Variants in RYR3 observed in about 807,000 individuals in gnomAD.
RYR3 encodes ryanodine receptor 3.
In RYR3, 207 loss-of-function variants were observed where a neutral mutation model predicts 584.3. The observed-to-expected ratio is 0.35, with a 90% CI of 0.32 to 0.40. The LOEUF (loss-of-function observed/expected upper bound fraction) is 0.40. Ranked by LOEUF, RYR3 falls within the 10% of genes least tolerant of loss-of-function variation. The pLI is 1.00. For synonymous variants in RYR3, 2,416 were observed against 2,248.5 expected, an observed-to-expected ratio of 1.07 and a Z score of -2.11; for missense variants, 5,616 against 6,089.2, an observed-to-expected ratio of 0.92 and a Z score of 2.59.
intron 1 of RYR3, among the ~76,000 whole-genome samples, chr15:33,429,673 T>TCCCCTCC (rs1238744578): frequency 6.6e-6 from 1 of 152,246 alleles, no homozygotes; most frequent in Admixed American, 6.5e-5. Flanking sequence ...AACACTATTT[T>TCCCCTCC]GAGAAGACTT....
intron 2 of RYR3, among the ~76,000 whole-genome samples, chr15:33,499,953 C>T (rs541725492): frequency 4.6e-5 from 7 of 152,280 alleles, no homozygotes; most frequent in South Asian, 2.1e-4. Context: ...AGAAGAAAGA[C>T]GTGTTGAATA....
At chr15:33,321,631 T>C (rs1968979456) in intron 1 of RYR3, among the ~76,000 whole-genome samples, 1 of 152,206 alleles carries the variant, frequency 6.6e-6, no homozygotes, top group Non-Finnish European at 1.5e-5. Context: ...AATTGGTTCT[T>C]CATTTCACTC....
chr15:33,644,227 T>C (rs2061979402), intron 27 of RYR3, 84 bp from the exon 28 acceptor site: 8 of 1,053,486 alleles, frequency 7.6e-6, no homozygotes. Context: ...GTCAAAGCCC[T>C]TAAGGAAGCA....
At chr15:33,385,532 T>A (rs1408017235) in intron 1 of RYR3, among the ~76,000 whole-genome samples, 3 of 152,124 alleles carry the variant, frequency 2.0e-5, no homozygotes, top group African/African-American at 7.2e-5. Flanking sequence ...TTGTCCTACG[T>A]TAAAAACAAA....
rs545398638 is a variant in RYR3 at position 33,495,209 on chromosome 15, C to T, written c.172-8422C>T. ...ATGCTTTCTGAGGTACACTCAATAA[C>T]GGGGTATAAAGTCCTTAACTTTCAT... On this transcript the variant is annotated intron_variant, in intron 2 of 103. Coordinates refer to ENST00000634891, the MANE Select transcript of RYR3 (RefSeq NM_001036.6). Among the ~76,000 whole-genome samples the T allele has an allele frequency of 4.6e-5, 7 of 152,212 alleles. No homozygotes were observed. In the South Asian group the frequency reaches 6.2e-4, roughly 14 times the overall value.
At chr15:33,837,522 G>C (rs117920466) in intron 88 of RYR3, 109 bp from the exon 89 acceptor site, 43,545 of 1,191,428 alleles carry the variant, frequency 0.037, 1,085 homozygotes, top group Non-Finnish European at 0.039. Flanking sequence ...GGTCAGAGAA[G>C]AGCTGACTAA....
intron 1 of RYR3, among the ~76,000 whole-genome samples, chr15:33,469,119 A>T (rs556593467): frequency 5.9e-5 from 9 of 152,296 alleles, no homozygotes; most frequent in African/African-American, 2.2e-4. Context: ...AAGTATGGTG[A>T]TATTGCTATG....
chr15:33,660,101 C>T lies in RYR3; in HGVS notation c.4396-96C>T, dbSNP rs1038845289. On this transcript the variant is annotated intron_variant, in intron 33 of 103. Coordinates refer to ENST00000634891, the MANE Select transcript of RYR3 (RefSeq NM_001036.6). Reference sequence around the variant, plus strand: ...TAGAGATCCCTGGATACATTTGTCCCTCTTTAATTTATACTGGCCATATCG... The same window carrying T: ...TAGAGATCCCTGGATACATTTGTCCTTCTTTAATTTATACTGGCCATATCG... 1.5e-5 allele frequency: 12 copies of T among 803,792 alleles called. No homozygotes were observed. The African/African-American group carries it at 1.7e-4, about 12-fold the overall frequency. The allele number at this position is 803,792 out of a possible 1,614,324, so 49.8% of individuals were successfully genotyped here.
chr15:33,856,518 TAA>T (rs2153004878), intron 98 of RYR3: 1 of 152,396 alleles, frequency 6.6e-6, no homozygotes, highest in South Asian at 2.1e-4. Context: ...TTCTCTGTAA[TAA>T]AAAGTGTGAC....
intron 16 of RYR3, among the ~76,000 whole-genome samples, chr15:33,600,925 G>A (rs2059628505): frequency 6.6e-6 from 1 of 152,158 alleles, no homozygotes; most frequent in Non-Finnish European, 1.5e-5. Context: ...TCAGTGCCAA[G>A]CACCATCAGG....
chr15:33,532,593 A>G (rs2054976855), intron 4 of RYR3, among the ~76,000 whole-genome samples: 1 of 151,408 alleles, frequency 6.6e-6, no homozygotes, highest in South Asian at 2.1e-4. Flanking sequence ...CATTCTTGAT[A>G]AATACTCAAT....
chr15:33,720,166 A>T (rs903300570), intron 43 of RYR3, among the ~76,000 whole-genome samples: 1 of 152,226 alleles, frequency 6.6e-6, no homozygotes, highest in Non-Finnish European at 1.5e-5. Flanking sequence ...AGAGTGGTAC[A>T]TGCTTACAAT....
chr15:33,768,720 T>C lies in RYR3; in HGVS notation c.8755+13T>C. On this transcript the variant is annotated intron_variant, in intron 61 of 103. Coordinates refer to ENST00000634891, the MANE Select transcript of RYR3 (RefSeq NM_001036.6). ...ATTTCCCTCTTTGGTAAGTGAAGTG[T>C]TGCTCAAGGTACCGCTCCTCCCTGT... The C allele has an allele frequency of 1.2e-6, 2 of 1,613,156 alleles. No homozygotes were observed. The highest frequency in any genetic ancestry group is 1.7e-6 in the Non-Finnish European group (2 of 1,179,076).
chr15:33,447,405 G>A (rs1455477002), intron 1 of RYR3, among the ~76,000 whole-genome samples: 1 of 152,160 alleles, frequency 6.6e-6, no homozygotes, highest in African/African-American at 2.4e-5. Context: ...GGTAGGTCAG[G>A]AGCATTCTGT....
chr15:33,339,197 C>T, intron 1 of RYR3, among the ~76,000 whole-genome samples: 1 of 152,206 alleles, frequency 6.6e-6, no homozygotes, highest in East Asian at 1.9e-4. Flanking sequence ...CGTGCTGGGC[C>T]GTGGGACTGG....
At chr15:33,736,997 T>C (rs915674814) in intron 49 of RYR3, among the ~76,000 whole-genome samples, 1 of 152,190 alleles carries the variant, frequency 6.6e-6, no homozygotes, top group African/African-American at 2.4e-5. Flanking sequence ...TGACCTCAAG[T>C]GATCTACCTG....
At chr15:33,459,637 CTT>C (rs1384069956) in intron 1 of RYR3, among the ~76,000 whole-genome samples, 1 of 152,190 alleles carries the variant, frequency 6.6e-6, no homozygotes, top group African/African-American at 2.4e-5. Flanking sequence ...GCCACCAAGA[CTT>C]TGGGTATCAC....
At chr15:33,792,601 G>A (rs2075229902) in intron 67 of RYR3, among the ~76,000 whole-genome samples, 2 of 152,038 alleles carry the variant, frequency 1.3e-5, no homozygotes, top group East Asian at 3.9e-4. Context: ...TCATGTCATA[G>A]GAGAAATTTT....
chr15:33,311,375 C>T lies in RYR3; in HGVS notation c.51+279C>T, dbSNP rs1313740698. On this transcript the variant is annotated intron_variant, in intron 1 of 103. Transcript: ENST00000634891. The surrounding 1 kb of genome is among the most constrained non-coding windows in gnomAD (Gnocchi z 4.4). ...CGCTCGCTCTCCAGGCAACTTGCTA[C>T]TTGGTCTGAAACCCTTGATGCCCAA... Among the ~76,000 whole-genome samples, 1 of 152,238 alleles carries T rather than the reference C, an allele frequency of 6.6e-6. No homozygotes were observed. The highest frequency in any genetic ancestry group is 1.5e-5 in the Non-Finnish European group (1 of 68,034).
Sources: gnomAD v4.1 joint callset for allele counts (sites outside exome capture counted in the v4.1 genomes callset) on GRCh38, gnomAD v4.1.1 for gene constraint, Gnocchi (gnomAD v3.1) non-coding constraint, MANE v1.5 for transcripts, NCBI Gene and HGNC (gene_info 2026-07-23, HGNC 2026-07-21) for gene names.